DPH6: variants seen among roughly 807,000 people sequenced by gnomAD.
DPH6 encodes diphthine--ammonia ligase.
In DPH6, 33 loss-of-function variants were observed where a neutral mutation model predicts 38.2. The ratio of observed to expected loss-of-function variants is 0.86; its 90% CI spans 0.65 to 1.15. The LOEUF is 1.15. DPH6 is among the 50% of genes most tolerant of loss of function. The pLI, the probability that DPH6 is intolerant of heterozygous loss-of-function variation, is 0.00. For synonymous variants in DPH6, 108 were observed against 103.0 expected (o/e 1.05, Z -0.30); for missense variants, 325 against 320.0 (o/e 1.02, Z -0.12).
exon 4 of DPH6, chr15:35,330,855 T>A (rs1343273691): frequency 6.6e-6 from 1 of 152,200 alleles, no homozygotes; most frequent in Non-Finnish European, 1.5e-5. Flanking sequence ...TTGGGAAGAA[T>A]AAAAGTAAAG....
intron 6 of DPH6, among the ~76,000 whole-genome samples, chr15:35,387,994 CTTA>C (rs1056077306): frequency 3.8e-4 from 57 of 151,932 alleles, no homozygotes; most frequent in African/African-American, 1.3e-3. Flanking sequence ...ATAGATAGCT[CTTA>C]TTATTTTGAG....
At chr15:35,312,826 C>A (rs1430201229) in intron 3 of DPH6, among the ~76,000 whole-genome samples, 6 of 152,168 alleles carry the variant, frequency 3.9e-5, no homozygotes, top group Non-Finnish European at 8.8e-5. Context: ...GATAAGTTGG[C>A]TCTAAGTGTA....
At chr15:35,196,870 T>C in the DPH6 span, among the ~76,000 whole-genome samples, 72 of 152,346 alleles carry the variant, frequency 4.7e-4, no homozygotes, top group South Asian at 9.7e-3. Flanking sequence ...CTCAAAACTA[T>C]TACCATGTTT....
chr15:35,440,225 T>G (rs1035577456), intron 5 of DPH6, among the ~76,000 whole-genome samples: 2 of 152,170 alleles, frequency 1.3e-5, no homozygotes, highest in Non-Finnish European at 2.9e-5. Flanking sequence ...GCCCATAACC[T>G]GGAGGTTTCC....
intron 3 of DPH6, among the ~76,000 whole-genome samples, chr15:35,226,868 C>G (rs932729818): frequency 3.3e-5 from 5 of 152,158 alleles, no homozygotes; most frequent in South Asian, 2.1e-4. Context: ...CCCTCCTCAT[C>G]TATTTTTTGG....
intron 3 of DPH6, among the ~76,000 whole-genome samples, chr15:35,490,354 G>C (rs1167024134): frequency 6.6e-6 from 1 of 152,130 alleles, no homozygotes; most frequent in Non-Finnish European, 1.5e-5. Context: ...AATACCTTCA[G>C]TCTATTTGAC....
chr15:35,388,523 G>A (rs2053004811), intron 6 of DPH6, among the ~76,000 whole-genome samples: 1 of 152,204 alleles, frequency 6.6e-6, no homozygotes. Flanking sequence ...TTCAGAGCCT[G>A]TTATTGGTCT....
exon 4 of DPH6, chr15:35,219,318 A>AT (rs2140383117): frequency 6.6e-6 from 1 of 152,320 alleles, no homozygotes; most frequent in East Asian, 1.9e-4. Flanking sequence ...ATTTAGACAC[A>AT]GTGACTAAAA....
chr15:35,235,308 C>A (rs1188156039), intron 3 of DPH6, among the ~76,000 whole-genome samples: 1 of 152,202 alleles, frequency 6.6e-6, no homozygotes, highest in Non-Finnish European at 1.5e-5. Flanking sequence ...AGTTCCCATG[C>A]AAGACAACTT....
At chr15:35,512,922 A>T (rs1287644248) in intron 3 of DPH6, among the ~76,000 whole-genome samples, 3 of 152,114 alleles carry the variant, frequency 2.0e-5, no homozygotes, top group Non-Finnish European at 2.9e-5. Context: ...GGATCACATC[A>T]AAGTGCTATT....
chr15:35,298,321 C>T, intron 3 of DPH6: 1 of 613,232 alleles, frequency 1.6e-6, no homozygotes, highest in South Asian at 1.4e-5. Context: ...ACCTGTCCAC[C>T]AAAATACCTC....
At chr15:35,283,175 T>C (rs2051913390) in intron 3 of DPH6, among the ~76,000 whole-genome samples, 1 of 145,086 alleles carries the variant, frequency 6.9e-6, no homozygotes, top group African/African-American at 2.6e-5. Context: ...CTCCCCCTCT[T>C]CCTCTTCTTT....
the DPH6 span, among the ~76,000 whole-genome samples, chr15:35,149,233 CTTTG>C: frequency 3.1e-4 from 47 of 152,122 alleles, no homozygotes; most frequent in Non-Finnish European, 3.2e-4. Flanking sequence ...TGTCACTAGT[CTTTG>C]TTTGTTTGTT....
intron 5 of DPH6, among the ~76,000 whole-genome samples, chr15:35,423,766 G>A (rs573313788): frequency 3.2e-4 from 49 of 151,618 alleles, no homozygotes; most frequent in Non-Finnish European, 6.4e-4. Context: ...TGTGAGATAA[G>A]GGTCCACTTC....
At chr15:35,269,471 A>T (rs1422561936) in intron 3 of DPH6, among the ~76,000 whole-genome samples, 2 of 151,938 alleles carry the variant, frequency 1.3e-5, no homozygotes, top group African/African-American at 2.4e-5. Context: ...TTTATTTTTA[A>T]TTTTTTTATT....
intron 3 of DPH6, among the ~76,000 whole-genome samples, chr15:35,460,240 A>G (rs1160360039): frequency 1.3e-5 from 2 of 149,934 alleles, no homozygotes; most frequent in Non-Finnish European, 3.0e-5. Context: ...AGAGGAAAAA[A>G]AAGTATAATT....
At chr15:35,321,837 C>T (rs1408367291) in intron 3 of DPH6, among the ~76,000 whole-genome samples, 1 of 152,142 alleles carries the variant, frequency 6.6e-6, no homozygotes, top group Non-Finnish European at 1.5e-5. Flanking sequence ...AAAATTAATT[C>T]ACTGAGATTC....
chr15:35,382,048 A>G (rs1044123224), intron 6 of DPH6, 132 bp from the exon 7 acceptor site: 10 of 667,950 alleles, frequency 1.5e-5, no homozygotes, highest in Non-Finnish European at 2.6e-5. Flanking sequence ...AAGGAAAATT[A>G]ATTATATTTC....
At chr15:35,381,170 C>T (rs1314571033) in intron 7 of DPH6, among the ~76,000 whole-genome samples, 2 of 152,090 alleles carry the variant, frequency 1.3e-5, no homozygotes, top group African/African-American at 4.8e-5. Context: ...ATGATGCATA[C>T]AGGCTTAAGA....
Sources: allele counts gnomAD v4.1 joint callset (sites outside exome capture counted in the v4.1 genomes callset), GRCh38; gene constraint gnomAD v4.1.1; transcripts MANE v1.5; gene names NCBI Gene and HGNC (gene_info 2026-07-23, HGNC 2026-07-21).